ARK2C: variants seen among roughly 807,000 people sequenced by gnomAD.
ARK2C encodes the protein E3 ubiquitin-protein ligase ARK2C.
the ARK2C span, among the ~76,000 whole-genome samples, chr18:46,383,322 A>T: frequency 2.6e-5 from 4 of 152,232 alleles, no homozygotes; most frequent in Admixed American, 2.6e-4. Context: ...TGATTTATTT[A>T]AGTTGCTAAT....
the ARK2C span, chr18:46,334,113 G>C: frequency 5.4e-6 from 1 of 184,868 alleles, no homozygotes; most frequent in African/African-American, 2.4e-5. This position sits in a 1 kb window ranked among gnomAD's most constrained non-coding sequence, Gnocchi z 4.4. Flanking sequence ...TGGGCCATCT[G>C]TCTCCCCGCC....
the ARK2C span, chr18:46,335,060 G>GTT: frequency 6.6e-6 from 1 of 152,506 alleles, no homozygotes; most frequent in East Asian, 1.9e-4. Context: ...GTGTGTGTGT[G>GTT]TGTGTGTCTG....
the ARK2C span, among the ~76,000 whole-genome samples, chr18:46,445,305 C>T: frequency 2.6e-4 from 40 of 152,164 alleles, no homozygotes; most frequent in Middle Eastern, 6.8e-3. Flanking sequence ...TAGATCTTCC[C>T]GAATAAGACT....
chr18:46,419,935 G>A, the ARK2C span, among the ~76,000 whole-genome samples: 17 of 151,600 alleles, frequency 1.1e-4, no homozygotes, highest in East Asian at 1.9e-3. Flanking sequence ...TTCCACTGAC[G>A]TCCACCGTCT....
chr18:46,355,015 T>C, the ARK2C span, among the ~76,000 whole-genome samples: 1 of 152,194 alleles, frequency 6.6e-6, no homozygotes, highest in African/African-American at 2.4e-5. Flanking sequence ...AGTGGTACAA[T>C]CTCAGCTCAC....
At chr18:46,355,726 T>G in the ARK2C span, among the ~76,000 whole-genome samples, 1 of 116,236 alleles carries the variant, frequency 8.6e-6, no homozygotes, top group East Asian at 2.6e-4. Flanking sequence ...GGCAGAGCTG[T>G]GGCTCCCCTC....
chr18:46,441,961 G>A, the ARK2C span, among the ~76,000 whole-genome samples: 3 of 148,856 alleles, frequency 2.0e-5, no homozygotes, highest in South Asian at 4.3e-4. Flanking sequence ...TCAGGGGATC[G>A]AGACCATCCT....
chr18:46,402,051 G>C, the ARK2C span, among the ~76,000 whole-genome samples: 2 of 152,208 alleles, frequency 1.3e-5, no homozygotes, highest in African/African-American at 4.8e-5. Context: ...GGTTTATGAG[G>C]CAGTCACTCC....
At chr18:46,344,322 G>C in the ARK2C span, among the ~76,000 whole-genome samples, 2 of 152,070 alleles carry the variant, frequency 1.3e-5, no homozygotes, top group South Asian at 2.1e-4. Flanking sequence ...TGAGTGGGAG[G>C]GAAGGGGTGG....
the ARK2C span, among the ~76,000 whole-genome samples, chr18:46,390,050 G>T: frequency 1.4e-4 from 21 of 152,268 alleles, no homozygotes; most frequent in East Asian, 3.7e-3. Context: ...GTGACCAGAG[G>T]CTCTGTTCCC....
At chr18:46,347,328 C>T in the ARK2C span, among the ~76,000 whole-genome samples, 1 of 152,194 alleles carries the variant, frequency 6.6e-6, no homozygotes, top group Admixed American at 6.5e-5. Flanking sequence ...CCTCCCATTC[C>T]AGTCTCCATC....
the ARK2C span, among the ~76,000 whole-genome samples, chr18:46,398,114 A>T: frequency 1.9e-5 from 2 of 103,518 alleles, no homozygotes; most frequent in African/African-American, 7.8e-5. Context: ...TGTGTGTGTG[A>T]GATCATGCTG....
chr18:46,414,434 C>CTGTG, the ARK2C span, among the ~76,000 whole-genome samples: 1 of 152,234 alleles, frequency 6.6e-6, no homozygotes, highest in African/African-American at 2.4e-5. Context: ...CAGCTGCTCT[C>CTGTG]TGTGTGTGCA....
At chr18:46,441,392 T>C in the ARK2C span, among the ~76,000 whole-genome samples, 3 of 152,180 alleles carry the variant, frequency 2.0e-5, no homozygotes, top group Admixed American at 1.3e-4. Context: ...GTAATTTTGG[T>C]AGTTTGTCTT....
the ARK2C span, chr18:46,334,263 C>T: frequency 6.7e-7 from 1 of 1,490,094 alleles, no homozygotes; most frequent in Non-Finnish European, 8.9e-7. The surrounding 1 kb of genome is among the most constrained non-coding windows in gnomAD (Gnocchi z 4.4). Context: ...CGCCGCCGCG[C>T]GAGGAGCCAG....
the ARK2C span, chr18:46,334,570 GC>G: frequency 1.4e-5 from 7 of 491,074 alleles, no homozygotes; most frequent in Non-Finnish European, 2.5e-5. The surrounding 1 kb of genome is among the most constrained non-coding windows in gnomAD (Gnocchi z 4.4). Flanking sequence ...TTCCTCCCCA[GC>G]CCCATTTTTT....
At chr18:46,354,363 A>G in the ARK2C span, among the ~76,000 whole-genome samples, 11 of 152,226 alleles carry the variant, frequency 7.2e-5, no homozygotes, top group African/African-American at 2.2e-4. Context: ...GCAGGTTTGT[A>G]CACTGCCAGG....
chr18:46,436,917 G>A, the ARK2C span, among the ~76,000 whole-genome samples: 2 of 152,206 alleles, frequency 1.3e-5, no homozygotes, highest in Non-Finnish European at 2.9e-5. Flanking sequence ...CTGAGTGATT[G>A]GAACACACAC....
the ARK2C span, among the ~76,000 whole-genome samples, chr18:46,442,675 G>A: frequency 6.6e-6 from 1 of 151,980 alleles, no homozygotes; most frequent in Non-Finnish European, 1.5e-5. Flanking sequence ...CAAGTTAGTC[G>A]ACAGTATTGT....
Sources: gnomAD v4.1 joint callset for allele counts (sites outside exome capture counted in the v4.1 genomes callset) on GRCh38, gnomAD v4.1.1 for gene constraint, Gnocchi (gnomAD v3.1) non-coding constraint, MANE v1.5 for transcripts, NCBI Gene and HGNC (gene_info 2026-07-23, HGNC 2026-07-21) for gene names.